Variants in PI4K2A observed in about 807,000 individuals in gnomAD.
PI4K2A encodes the protein phosphatidylinositol 4-kinase type 2-alpha.
PI4K2A carries 20 observed loss-of-function variants against 55.0 expected under a neutral mutation model. The observed-to-expected ratio is 0.36, with a 90% CI of 0.26 to 0.53. PI4K2A has a LOEUF of 0.53. PI4K2A is among the 20% of genes least tolerant of loss of function. The probability of loss-of-function intolerance (pLI) is 0.91; values close to 1 mark genes in which losing one functional copy is unlikely to be tolerated. For synonymous variants in PI4K2A, 235 were observed against 258.5 expected (o/e 0.91, Z 0.87); for missense variants, 463 against 637.1 (o/e 0.73, Z 2.94).
At chr10:97,653,046 T>C (rs192367535) in intron 2 of PI4K2A, among the ~76,000 whole-genome samples, 9 of 152,384 alleles carry the variant, frequency 5.9e-5, no homozygotes, top group Non-Finnish European at 1.3e-4. Context: ...CAGATAGTTT[T>C]ACAGCATGCT....
chr10:97,649,074 G>GT (rs1342777554), intron 1 of PI4K2A, among the ~76,000 whole-genome samples: 5 of 152,126 alleles, frequency 3.3e-5, no homozygotes, highest in African/African-American at 1.2e-4. Flanking sequence ...CCTAATATGA[G>GT]TACTGAGTTG....
intron 4 of PI4K2A, 67 bp downstream of exon 4, chr10:97,657,041 C>A: frequency 1.3e-6 from 2 of 1,530,224 alleles, no homozygotes; most frequent in East Asian, 2.3e-5. Flanking sequence ...GGCCTGGAGG[C>A]TTGCAGGGCT....
intron 5 of PI4K2A, among the ~76,000 whole-genome samples, chr10:97,664,653 A>G (rs553278155): frequency 6.6e-6 from 1 of 152,306 alleles, no homozygotes; most frequent in Admixed American, 6.5e-5. Flanking sequence ...GGGGAAGTGT[A>G]CCTTTTCTAA....
intron 8 of PI4K2A, 89 bp downstream of exon 8, chr10:97,667,209 TA>T: frequency 1.1e-6 from 1 of 930,356 alleles, no homozygotes; most frequent in Non-Finnish European, 1.7e-6. Flanking sequence ...TTGTGTTTTA[TA>T]CCCCCCCCTT....
At chr10:97,663,339 G>A (rs2041595546) in intron 5 of PI4K2A, among the ~76,000 whole-genome samples, 1 of 152,038 alleles carries the variant, frequency 6.6e-6, no homozygotes, top group South Asian at 2.1e-4. Context: ...ACAACAGACC[G>A]CAAGTCCACA....
At chr10:97,658,913 G>A (rs2041568010) in intron 4 of PI4K2A, among the ~76,000 whole-genome samples, 1 of 151,946 alleles carries the variant, frequency 6.6e-6, no homozygotes, top group African/African-American at 2.4e-5. Context: ...GCCTATTTTT[G>A]AATTTTTTTT....
intron 8 of PI4K2A, among the ~76,000 whole-genome samples, chr10:97,671,324 T>C (rs2041634151): frequency 6.6e-6 from 1 of 152,142 alleles, no homozygotes; most frequent in Non-Finnish European, 1.5e-5. Flanking sequence ...CAGTGGCTCA[T>C]GCCTGTTATC....
intron 4 of PI4K2A, among the ~76,000 whole-genome samples, chr10:97,659,632 G>C (rs1458142821): frequency 6.6e-6 from 1 of 151,924 alleles, no homozygotes; most frequent in Non-Finnish European, 1.5e-5. Flanking sequence ...ATGATGTTAG[G>C]GTCCTTTTTG....
At chr10:97,645,314 A>G (rs755990950) in intron 1 of PI4K2A, among the ~76,000 whole-genome samples, 6 of 152,090 alleles carry the variant, frequency 3.9e-5, no homozygotes, top group Non-Finnish European at 7.4e-5. Flanking sequence ...GAATAAGGCT[A>G]TAAGAGTTGG....
At chr10:97,664,732 A>C (rs1197663955) in intron 5 of PI4K2A, among the ~76,000 whole-genome samples, 153 bp from the exon 6 acceptor site, 4 of 152,246 alleles carry the variant, frequency 2.6e-5, no homozygotes. Context: ...CTAAGTTCAG[A>C]TAACAACATG....
rs2041555428 is a variant in PI4K2A, at chr10:97,656,480, G to C, written c.768+64G>C. The stretch of plus-strand genomic sequence containing the variant: ...ATAGTGACATAGTCATCCAAGTGGT[G>C]AAGCAAGGTGCCTACAACTCAAATA... On this transcript the variant is annotated intron_variant, in intron 3 of 8. Transcript: ENST00000370631. This position sits in a 1 kb window ranked among gnomAD's most constrained non-coding sequence, Gnocchi z 4.5. The C allele has an allele frequency of 2.0e-6, 3 of 1,505,992 alleles. No individual in the cohort carries two copies. The African/African-American group carries it at 4.1e-5, about 21-fold the overall frequency. 93.3% of individuals were successfully genotyped at this position (1,505,992 alleles called of 1,614,324 possible).
chr10:97,672,725 CTTT>C (rs146627600), intron 8 of PI4K2A, among the ~76,000 whole-genome samples: 2 of 83,978 alleles, frequency 2.4e-5, no homozygotes, highest in African/African-American at 1.0e-4. Flanking sequence ...AGGGTCTGTT[CTTT>C]TTTTTTTTTT....
intron 1 of PI4K2A, among the ~76,000 whole-genome samples, chr10:97,650,325 G>A (rs1299611745): frequency 5.7e-5 from 8 of 141,038 alleles, no homozygotes; most frequent in Non-Finnish European, 1.2e-4. Context: ...GTCGCCCAGG[G>A]TGAGGAATGC....
intron 2 of PI4K2A, among the ~76,000 whole-genome samples, chr10:97,654,208 G>A (rs193255186): frequency 4.3e-4 from 66 of 152,322 alleles, no homozygotes; most frequent in African/African-American, 1.5e-3. Flanking sequence ...AAAGTGGTTT[G>A]TTAGGAAGAA....
At chr10:97,651,863 A>G (rs964928950) in intron 2 of PI4K2A, among the ~76,000 whole-genome samples, 4 of 151,672 alleles carry the variant, frequency 2.6e-5, no homozygotes, top group Admixed American at 2.0e-4. Context: ...ACTACAAGGT[A>G]TTCCATGAAA....
At chr10:97,657,138 C>T (rs1345897291) in intron 4 of PI4K2A, among the ~76,000 whole-genome samples, 164 bp downstream of exon 4, 1 of 152,122 alleles carries the variant, frequency 6.6e-6, no homozygotes. Flanking sequence ...TTTTATCTTA[C>T]ACTCTTTCCT....
intron 1 of PI4K2A, among the ~76,000 whole-genome samples, chr10:97,644,788 A>G (rs924187868): frequency 2.0e-4 from 30 of 152,192 alleles, no homozygotes; most frequent in Non-Finnish European, 7.3e-5. Context: ...TGGGAACTAT[A>G]GTCTTTTTTC....
intron 1 of PI4K2A, among the ~76,000 whole-genome samples, chr10:97,650,283 T>TTTTTTTTTTG (rs2041524678): frequency 6.9e-6 from 1 of 145,564 alleles, no homozygotes; most frequent in Non-Finnish European, 1.5e-5. Context: ...TGTACCTTTT[T>TTTTTTTTTTG]TTTTTTTTTT....
In PI4K2A at chr10:97,665,697, A is replaced by G. The variant is rs560996365; in HGVS notation, c.1084+713A>G. Among the ~76,000 whole-genome samples, 3 of 151,676 alleles carry G rather than the reference A, an allele frequency of 2.0e-5. No individual in the cohort carries two copies. The South Asian group carries it at 6.2e-4, about 32-fold the overall frequency. ...AACCTCCTCCTCCTGGGTTCACACC[A>G]TTCTCCTGCCTCAGCCTCCCGAGTA... is the stretch of plus-strand genomic sequence containing the variant. On this transcript the variant is annotated intron_variant, in intron 6 of 8. Coordinates refer to ENST00000370631, the Ensembl canonical transcript of PI4K2A.
Sources: allele counts gnomAD v4.1 joint callset (sites outside exome capture counted in the v4.1 genomes callset), GRCh38; gene constraint gnomAD v4.1.1; non-coding constraint Gnocchi (gnomAD v3.1); transcripts MANE v1.5; gene names NCBI Gene and HGNC (gene_info 2026-07-23, HGNC 2026-07-21).